The following DLG2 variants were observed in gnomAD, a reference collection of about 807,000 sequenced individuals.
DLG2 encodes discs large MAGUK scaffold protein 2, also known as disks large homolog 2.
A neutral mutation model predicts 132.5 loss-of-function variants in DLG2; 45 were observed. The ratio of observed to expected loss-of-function variants is 0.34; its 90% confidence interval spans 0.27 to 0.44. The LOEUF is 0.44. Ranked by LOEUF, DLG2 falls within the 20% of genes least tolerant of loss-of-function variation. The pLI, the probability that DLG2 is intolerant of heterozygous loss-of-function variation, is 1.00. For missense variants in DLG2, 1,045 were observed against 1,196.9 expected (o/e 0.87, Z 1.87); for synonymous variants, 424 against 419.6 (o/e 1.01, Z -0.13).
chr11:83,489,262 A>C (rs1048635380), intron 21 of DLG2, among the ~76,000 whole-genome samples: 2 of 152,030 alleles, frequency 1.3e-5, no homozygotes, highest in Non-Finnish European at 2.9e-5. Context: ...AAGAGGACAG[A>C]GAAACATGGT....
intron 8 of DLG2, among the ~76,000 whole-genome samples, chr11:84,180,974 G>A (rs986153554): frequency 1.5e-4 from 22 of 151,510 alleles, no homozygotes; most frequent in Non-Finnish European, 3.1e-4. Context: ...TCTACATAAA[G>A]AAAGAAAGAG....
chr11:85,418,722 T>G (rs1187581259), intron 3 of DLG2, among the ~76,000 whole-genome samples: 1 of 151,474 alleles, frequency 6.6e-6, no homozygotes, highest in African/African-American at 2.4e-5. Flanking sequence ...TTTTTACTCT[T>G]TGTTGGTTTA....
intron 6 of DLG2, among the ~76,000 whole-genome samples, chr11:84,773,070 G>T (rs2069704704): frequency 6.6e-6 from 1 of 151,856 alleles, no homozygotes; most frequent in Admixed American, 6.6e-5. Flanking sequence ...AAAGAGTGAA[G>T]ATCCAAATAA....
intron 6 of DLG2, among the ~76,000 whole-genome samples, chr11:84,889,895 C>T (rs923064915): frequency 6.6e-6 from 1 of 152,196 alleles, no homozygotes; most frequent in Non-Finnish European, 1.5e-5. Flanking sequence ...GATGAGGGAA[C>T]ACACCACTGT....
intron 7 of DLG2, among the ~76,000 whole-genome samples, chr11:84,279,892 C>T (rs549691348): frequency 2.6e-5 from 4 of 152,186 alleles, no homozygotes; most frequent in South Asian, 2.1e-4. Context: ...AACAACTTAA[C>T]GATTATCTTA....
At position 85,285,102 on chromosome 11, in the gene DLG2, C is replaced by T. The variant is rs753006370; in HGVS notation, c.186+118G>A. On this transcript the variant is annotated intron_variant, in intron 4 of 27. Coordinates refer to ENST00000376104, the MANE Select transcript of DLG2 (RefSeq NM_001142699.3). ...GAAAATTGCATACAGTATGGTATAACTACATTTCTATTATTGTTGTTGCCA... is the reference window on the plus strand; with the variant it reads ...GAAAATTGCATACAGTATGGTATAATTACATTTCTATTATTGTTGTTGCCA... The T allele has an allele frequency of 1.3e-4, 122 of 916,586 alleles. No individual in the cohort carries two copies. Among genetic ancestry groups the T allele is most frequent in the Admixed American group, 2.2e-4 (9 of 40,156 alleles). The allele number at this position is 916,586 out of a possible 1,614,324, so 56.8% of individuals were successfully genotyped here. A position where few individuals can be genotyped will look rare whatever the true frequency, so the allele number is the denominator to read the frequency against.
chr11:84,007,140 T>C (rs917016310), intron 11 of DLG2, among the ~76,000 whole-genome samples: 1 of 151,666 alleles, frequency 6.6e-6, no homozygotes, highest in African/African-American at 2.4e-5. Context: ...GTGGAAGTTA[T>C]GTAATTGAAA....
At chr11:85,607,943 C>A (rs571094197) in intron 2 of DLG2, among the ~76,000 whole-genome samples, 1 of 152,122 alleles carries the variant, frequency 6.6e-6, no homozygotes, top group Admixed American at 6.5e-5. Context: ...AACAAGTTTT[C>A]GACAATGCTT....
At chr11:84,742,503 C>G (rs751853196) in intron 6 of DLG2, among the ~76,000 whole-genome samples, 5 of 152,104 alleles carry the variant, frequency 3.3e-5, no homozygotes, top group Non-Finnish European at 5.9e-5. Flanking sequence ...TTTTTTAGAG[C>G]AATTTTATAT....
intron 4 of DLG2, among the ~76,000 whole-genome samples, chr11:85,251,272 G>T (rs2076381818): frequency 6.6e-6 from 1 of 152,156 alleles, no homozygotes; most frequent in African/African-American, 2.4e-5. Flanking sequence ...ATGTAATATT[G>T]TAAGCAGAAT....
chr11:83,569,080 G>A (rs1231256937), intron 19 of DLG2, among the ~76,000 whole-genome samples: 1 of 152,120 alleles, frequency 6.6e-6, no homozygotes, highest in African/African-American at 2.4e-5. Context: ...GTCATTCAGA[G>A]ATCTGAAGTA....
intron 2 of DLG2, among the ~76,000 whole-genome samples, chr11:85,606,348 C>T (rs1301220812): frequency 6.6e-6 from 1 of 152,130 alleles, no homozygotes. Flanking sequence ...TTCTGTCTAA[C>T]TAAAGGATTG....
intron 6 of DLG2, among the ~76,000 whole-genome samples, chr11:84,881,320 C>A (rs1209368790): frequency 1.3e-5 from 2 of 152,050 alleles, no homozygotes; most frequent in Non-Finnish European, 2.9e-5. Context: ...TGGAGTTCAC[C>A]AAGACAAGCA....
At chr11:84,344,021 G>C (rs1039130237) in intron 7 of DLG2, among the ~76,000 whole-genome samples, 1 of 152,160 alleles carries the variant, frequency 6.6e-6, no homozygotes, top group African/African-American at 2.4e-5. Context: ...TTCATGCAGA[G>C]TGAGGACAGA....
At chr11:85,193,681 GA>G (rs1210669419) in intron 4 of DLG2, among the ~76,000 whole-genome samples, 1 of 152,108 alleles carries the variant, frequency 6.6e-6, no homozygotes, top group Admixed American at 6.5e-5. Context: ...CTTATTTGAA[GA>G]ATTACGTATT....
At chr11:83,690,934 T>C (rs1156569256) in intron 18 of DLG2, among the ~76,000 whole-genome samples, 10 of 152,230 alleles carry the variant, frequency 6.6e-5, no homozygotes. Flanking sequence ...TGGCTGCTTT[T>C]GCACTACAAT....
chr11:84,358,198 G>T (rs1013035843), intron 7 of DLG2, among the ~76,000 whole-genome samples: 1 of 151,872 alleles, frequency 6.6e-6, no homozygotes. Context: ...CATTTCTGCA[G>T]CTATGTCCTT....
chr11:83,710,089 G>A (rs1358806981), intron 18 of DLG2, among the ~76,000 whole-genome samples: 2 of 152,020 alleles, frequency 1.3e-5, no homozygotes, highest in African/African-American at 4.8e-5. Flanking sequence ...ATATGAGGTG[G>A]GTACACTGTC....
At chr11:83,942,794 C>A (rs988099943) in intron 14 of DLG2, among the ~76,000 whole-genome samples, 16 of 151,956 alleles carry the variant, frequency 1.1e-4, no homozygotes, top group African/African-American at 3.9e-4. Flanking sequence ...ATGTTATCAC[C>A]ACACACACAA....
Sources: allele counts gnomAD v4.1 joint callset (sites outside exome capture counted in the v4.1 genomes callset), GRCh38; gene constraint gnomAD v4.1.1; transcripts MANE v1.5; gene names NCBI Gene and HGNC (gene_info 2026-07-23, HGNC 2026-07-21).